F8: variants seen among roughly 807,000 people sequenced by gnomAD.
The protein encoded by F8 is antihemophilic factor.
Under a neutral mutation model 140.6 loss-of-function variants are expected in F8, and 12 were observed. That is an observed-to-expected ratio of 0.09 (90% CI 0.05 to 0.14). The LOEUF (loss-of-function observed/expected upper bound fraction) is 0.14, where lower values mean the gene tolerates loss of function less well. Among genes scored for constraint, F8 ranks in the 10% least tolerant of loss-of-function variants. The pLI is 1.00. For synonymous variants in F8, 585 were observed against 614.6 expected (o/e 0.95, Z 0.71); for missense variants, 1,354 against 1,720.7 (o/e 0.79, Z 3.77).
At chrX:154,843,808 G>T (rs984465454) in intron 25 of F8, among the ~76,000 whole-genome samples, 1 of 111,773 alleles carries the variant, frequency 8.9e-6, no homozygotes, top group Non-Finnish European at 1.9e-5. Flanking sequence ...GATCCCATTT[G>T]TCAATTTTGG....
intron 1 of F8, among the ~76,000 whole-genome samples, chrX:155,016,554 G>A (rs2073735368): frequency 1.8e-5 from 2 of 112,636 alleles, no homozygotes; most frequent in Non-Finnish European, 3.8e-5. Flanking sequence ...TCCCATAATG[G>A]AGCAGTAATC....
At chrX:154,923,615 T>C (rs1230139733) in intron 14 of F8, among the ~76,000 whole-genome samples, 1 of 112,179 alleles carries the variant, frequency 8.9e-6, no homozygotes, top group Non-Finnish European at 1.9e-5. Context: ...GGCGGGCGGA[T>C]CATAAGGTCA....
intron 22 of F8, among the ~76,000 whole-genome samples, chrX:154,871,454 C>A (rs2072772963): frequency 8.9e-6 from 1 of 112,052 alleles, no homozygotes; most frequent in Admixed American, 9.5e-5. Context: ...GGAAAAGATT[C>A]CCTATTTAAT....
intron 18 of F8, among the ~76,000 whole-genome samples, chrX:154,902,578 C>T (rs782024986): frequency 1.8e-5 from 2 of 111,451 alleles, no homozygotes; most frequent in South Asian, 3.8e-4. Flanking sequence ...TAAAGTTACC[C>T]CAGCAACAAG....
intron 25 of F8, among the ~76,000 whole-genome samples, chrX:154,855,329 G>A (rs946343180): frequency 9.0e-6 from 1 of 111,680 alleles, no homozygotes; most frequent in East Asian, 2.8e-4. Context: ...CCCAGCTCAA[G>A]AGCTGCATAA....
chrX:154,961,076 T>G lies in F8; in HGVS notation c.1536A>C (p.Lys512Asn). The change falls in exon 10 of 26, where the codon AAA becomes AAC. Residue 512 changes from lysine to asparagine, a missense_variant and splice_region_variant. Around this residue, in one of 4 missense-constraint regions of F8, gnomAD observed 252 missense variants for 338.5 expected, o/e 0.74. Coordinates refer to ENST00000360256, the MANE Select transcript of F8 (RefSeq NM_000132.4). ...GCTATAAATCGAGGGAATATTTACC[T>G]TTTGGTAATCTCCTTGAATACAAAG... Reference protein sequence around the residue: ...VRPLYSRRLPKGVKHLKDFPI... With the variant: ...VRPLYSRRLPNGVKHLKDFPI... 8.5e-7 allele frequency: 1 copy of G among 1,172,691 alleles called. No homozygotes were observed. The highest frequency in any genetic ancestry group is 1.2e-6 in the Non-Finnish European group (1 of 859,693).
chrX:154,978,250 A>T (rs1299603408), intron 6 of F8, among the ~76,000 whole-genome samples: 2 of 110,403 alleles, frequency 1.8e-5, no homozygotes, highest in African/African-American at 6.6e-5. Flanking sequence ...TTTTTCCAGG[A>T]TTTCATAAAT....
chrX:154,856,481 C>T (rs929843769), intron 25 of F8, among the ~76,000 whole-genome samples: 6 of 112,465 alleles, frequency 5.3e-5, no homozygotes, highest in African/African-American at 1.9e-4. Context: ...CTTGCACAGA[C>T]CTATGGTGTT....
intron 25 of F8, among the ~76,000 whole-genome samples, chrX:154,840,052 T>C (rs1009436095): frequency 7.1e-5 from 8 of 112,010 alleles, no homozygotes; most frequent in Admixed American, 6.6e-4. Flanking sequence ...CGATGCCAGA[T>C]TGTCCCATTA....
At chrX:154,996,304 A>G (rs1360920457) in intron 3 of F8, among the ~76,000 whole-genome samples, 1 of 112,148 alleles carries the variant, frequency 8.9e-6, no homozygotes, top group African/African-American at 3.2e-5. Flanking sequence ...CCATGCCTGC[A>G]AAGAGCTAGG....
intron 25 of F8, among the ~76,000 whole-genome samples, chrX:154,846,720 G>A (rs1557271775): frequency 9.0e-6 from 1 of 111,630 alleles, no homozygotes; most frequent in Admixed American, 9.5e-5. Flanking sequence ...ACACTGATGG[G>A]TCTTGACTCT....
chrX:154,902,165 C>G lies in F8; in HGVS notation c.6001G>C (p.Val2001Leu). The G allele has an allele frequency of 8.5e-7, 1 of 1,177,237 alleles. No individual in the cohort carries two copies. Among genetic ancestry groups the G allele is most frequent in the Non-Finnish European group, 1.2e-6 (1 of 863,837 alleles). ...KMALYNLYPG[V>L]FETVEMLPSK... is the part of the protein sequence containing the mutation. Reference sequence around the variant, plus strand: ...GGTAACATTTCCACTGTCTCAAAAACACCTTATAAAAACCAACAGGAACAG... The same window carrying G: ...GGTAACATTTCCACTGTCTCAAAAAGACCTTATAAAAACCAACAGGAACAG... The change falls in exon 19 of 26, where the codon GTT becomes CTT. Residue 2001 changes from valine (V) to leucine (L), a missense_variant and splice_region_variant. This residue lies in a region of F8 where 316 missense variants were observed against 485.4 expected (regional missense o/e 0.65). Coordinates refer to ENST00000360256, the MANE Select transcript of F8 (RefSeq NM_000132.4).
chrX:154,844,725 TGTC>T (rs1358112343), intron 25 of F8, among the ~76,000 whole-genome samples: 1 of 111,879 alleles, frequency 8.9e-6, no homozygotes, highest in Non-Finnish European at 1.9e-5. Context: ...TATACAATCA[TGTC>T]GTCTGCGAAC....
chrX:154,928,875 G>T lies in F8; in HGVS notation c.4915C>A (p.Pro1639Thr), dbSNP rs782615465. The T allele has an allele frequency of 1.5e-5, 18 of 1,211,601 alleles. No homozygotes were observed. The South Asian group carries it at 2.8e-4, about 19-fold the overall frequency. ...IAAINEGQNK[P>T]EIEVTWAKQG... ...TTTGCCCAGGTGACTTCTATTTCGG[G>T]CTTATTTTGTCCCTCATTTATTGCT... Residue 1639 changes from proline to threonine, a missense_variant, in exon 14 of 26, where the codon CCC (proline) becomes ACC (threonine). Coordinates refer to ENST00000360256, the MANE Select transcript of F8 (RefSeq NM_000132.4).
intron 6 of F8, among the ~76,000 whole-genome samples, chrX:154,976,308 G>A (rs192418464): frequency 7.2e-5 from 8 of 111,074 alleles, no homozygotes; most frequent in Non-Finnish European, 1.1e-4. Context: ...CTATCCCTTC[G>A]CTTTCAGTCT....
intron 13 of F8, among the ~76,000 whole-genome samples, chrX:154,933,988 G>A (rs1426535568): frequency 1.8e-5 from 2 of 111,577 alleles, no homozygotes; most frequent in Non-Finnish European, 3.8e-5. Flanking sequence ...ACTACCCAAG[G>A]GCCATAGTTT....
At chrX:154,908,730 C>T (rs1278924047) in intron 14 of F8, among the ~76,000 whole-genome samples, 1 of 111,597 alleles carries the variant, frequency 9.0e-6, no homozygotes, top group Non-Finnish European at 1.9e-5. Flanking sequence ...GTTTTTACTT[C>T]CTCATTGTGT....
rs2072977550 is a variant in F8, at chrX:154,896,127, C to T, written c.6379G>A (p.Asp2127Asn). 8.3e-7 allele frequency: 1 copy of T among 1,210,240 alleles called. No individual in the cohort carries two copies. Among genetic ancestry groups the T allele is most frequent in the Non-Finnish European group, 1.1e-6 (1 of 894,378 alleles). The change falls in exon 22 of 26, where the codon GAT (aspartate) becomes AAT (asparagine). Residue 2127 changes from aspartate to asparagine, a missense_variant. Physicochemically the swap from Asp to Asn is conservative, Grantham distance 23. This residue lies in a region of F8 where 316 missense variants were observed against 485.4 expected (regional missense o/e 0.65). Coordinates refer to ENST00000360256, the MANE Select transcript of F8 (RefSeq NM_000132.4). ...CGATAAGTCTGCCACTTCTTCCCAT[C>T]AAGACTATACATGATGATAAACTGA... The part of the protein sequence containing the change: ...ISQFIIMYSL[D>N]GKKWQTYRGN...
chrX:154,906,046 G>A lies in F8; in HGVS notation c.5373+374C>T, dbSNP rs12688566. Among the ~76,000 whole-genome samples the A allele has an allele frequency of 6.3e-5, 7 of 111,503 alleles. No individual in the cohort carries two copies. The East Asian group carries it at 1.7e-3, about 27-fold the overall frequency. On this transcript the variant is annotated intron_variant, in intron 15 of 25. Transcript: ENST00000360256. ...TTAGAAAAACTGTTGTGATTACAGCGTTATTTATATAGTGAAAAAAGAAAC... is the reference window on the plus strand; with the variant it reads ...TTAGAAAAACTGTTGTGATTACAGCATTATTTATATAGTGAAAAAAGAAAC...
Sources: gnomAD v4.1 joint callset for allele counts (sites outside exome capture counted in the v4.1 genomes callset) on GRCh38, gnomAD v4.1.1 for gene constraint, gnomAD v4.1.1 regional missense constraint, MANE v1.5 for transcripts, NCBI Gene and HGNC (gene_info 2026-07-23, HGNC 2026-07-21) for gene names.